LOXL4: variants seen among roughly 807,000 people sequenced by gnomAD.
The protein encoded by LOXL4 is lysyl oxidase homolog 4.
LOXL4 carries 72 observed loss-of-function variants against 89.1 expected under a neutral mutation model. The ratio of observed to expected loss-of-function variants is 0.81; its 90% confidence interval spans 0.67 to 0.98. The LOEUF is 0.98. LOXL4 is among the 50% of genes least tolerant of loss of function. The pLI is 0.00. For missense variants in LOXL4, 984 were observed against 1,017.5 expected, an observed-to-expected ratio of 0.97 and a Z score of 0.45; for synonymous variants, 355 against 392.1, an observed-to-expected ratio of 0.91 and a Z score of 1.12.
chr10:98,254,658 G>A (rs1858303097), intron 10 of LOXL4, among the ~76,000 whole-genome samples: 2 of 152,348 alleles, frequency 1.3e-5, no homozygotes, highest in South Asian at 4.1e-4. Flanking sequence ...TTGTCGTGAA[G>A]GATCAAATGT....
Position 98,259,085 on chromosome 10 carries a change from G to A in LOXL4, c.845C>T (p.Ala282Val), listed in dbSNP as rs770250417. 2.5e-6 allele frequency: 4 copies of A among 1,594,578 alleles called. No individual in the cohort carries two copies. The highest frequency in any genetic ancestry group is 3.4e-6 in the Non-Finnish European group (4 of 1,170,016). Residue 282 changes from alanine (A) to valine (V), a missense_variant, in exon 6 of 15, where the codon GCT (alanine) becomes GTT (valine). Physicochemically the swap from Ala to Val is moderately conservative, Grantham distance 64. Coordinates refer to ENST00000260702, the MANE Select transcript of LOXL4 (RefSeq NM_032211.7). ...LRPACPGGMH[A>V]VVSCVAGPHF... The stretch of plus-strand genomic sequence containing the variant: ...AGGCCCTGCCACACAGCTGACCACA[G>A]CGTGCATGCCACCTGGGCAGGCTGG...
In LOXL4 at chr10:98,253,774, G is replaced by T; in HGVS notation, c.1614C>A (p.Asn538Lys). Residue 538 changes from asparagine to lysine, a missense_variant, in exon 11 of 15, where the codon AAC (asparagine) becomes AAA (lysine). Asn to Lys is a moderately conservative substitution (Grantham distance 94, BLOSUM62 0). Transcript: ENST00000260702. ...CMDSAPDLVM[N>K]AQLVQETAYL... ...AGGCCGTCTCCTGCACTAGCTGGGC[G>T]TTCATCACCAGGTCTGGTGCACCTG... is the stretch of plus-strand genomic sequence containing the variant. The T allele has an allele frequency of 6.2e-7, 1 of 1,614,070 alleles. No individual in the cohort carries two copies. The highest frequency in any genetic ancestry group is 8.5e-7 in the Non-Finnish European group (1 of 1,180,002).
In LOXL4 at chr10:98,262,867, C is replaced by T; in HGVS notation, c.153G>A (p.Gln51=). The T allele has an allele frequency of 6.2e-7, 1 of 1,613,730 alleles. No homozygotes were observed. The highest frequency in any genetic ancestry group is 1.1e-5 in the South Asian group (1 of 91,092). Residue 51 remains glutamine, a synonymous_variant, in exon 2 of 15, where the codon CAG becomes CAA. Coordinates refer to ENST00000260702, the MANE Select transcript of LOXL4 (RefSeq NM_032211.7). ...PEEGRLEVLH[Q]GQWGTVCDDN... ...CATCACACACGGTGCCCCACTGGCC[C>T]TGGTGCAGCACCTCCAGGCGGCCCT... is the stretch of plus-strand genomic sequence containing the variant.
intron 4 of LOXL4, among the ~76,000 whole-genome samples, chr10:98,260,427 T>A (rs968879717): frequency 2.7e-5 from 4 of 149,646 alleles, no homozygotes; most frequent in African/African-American, 9.8e-5. Flanking sequence ...GTCTAGTGTT[T>A]TAACCAAGGA....
chr10:98,263,978 G>A (rs1392119069), intron 1 of LOXL4, among the ~76,000 whole-genome samples: 4 of 151,760 alleles, frequency 2.6e-5, no homozygotes, highest in African/African-American at 7.3e-5. Context: ...TGATCCATCC[G>A]CCTTGGCCTC....
At position 98,256,984 on chromosome 10, in the gene LOXL4, C is replaced by T. The variant is rs202012225; in HGVS notation, c.1261-37G>A. ...AGGGGTGTGTGAGGAGTGGGGTAGCCTTGCAGGGAAGAGCTCAGGGCTGCG... is the reference window on the plus strand; with the variant it reads ...AGGGGTGTGTGAGGAGTGGGGTAGCTTTGCAGGGAAGAGCTCAGGGCTGCG... On this transcript the variant is annotated intron_variant, in intron 8 of 14. Coordinates refer to ENST00000260702, the MANE Select transcript of LOXL4 (RefSeq NM_032211.7). 1.6e-5 allele frequency: 25 copies of T among 1,602,792 alleles called. No individual in the cohort carries two copies. The Admixed American group carries it at 3.2e-4, about 21-fold the overall frequency.
intron 7 of LOXL4, 52 bp from the exon 8 acceptor site, chr10:98,257,856 A>G (rs1316876216): frequency 1.9e-6 from 3 of 1,585,284 alleles, no homozygotes; most frequent in Non-Finnish European, 2.6e-6. Context: ...GTAACCCCAC[A>G]CTTGTGGCTT....
rs199549797 is a variant in LOXL4, at chr10:98,257,815, A to G, written c.1106-11T>C. ...GGATGGGCCCTAGCCCTAGATGGGG[A>G]GAGAGGTGCTGTGTGCGAGGCTCCA... On this transcript the variant is annotated splice_polypyrimidine_tract_variant and intron_variant, in intron 7 of 14. Transcript: ENST00000260702. 4.0e-5 allele frequency: 64 copies of G among 1,608,658 alleles called. No homozygotes were observed. Among genetic ancestry groups the G allele is most frequent in the South Asian group, 9.9e-5 (9 of 90,502 alleles).
chr10:98,257,085 T>C (rs1858398155), intron 8 of LOXL4, 138 bp from the exon 9 acceptor site: 1 of 1,044,548 alleles, frequency 9.6e-7, no homozygotes, highest in Non-Finnish European at 1.4e-6. Context: ...TTGGTCTCCT[T>C]CTCTGTAAGG....
At position 98,248,806 on chromosome 10, in the gene LOXL4, G is replaced by T. The variant is rs1188522642; in HGVS notation, c.*115C>A. 43 of 883,958 alleles carry T rather than the reference G, an allele frequency of 4.9e-5. No individual in the cohort carries two copies. The highest frequency in any genetic ancestry group is 6.7e-5 in the Non-Finnish European group (38 of 564,834). The allele number at this position is 883,958 out of a possible 1,614,324, so 54.8% of individuals were successfully genotyped here. Reference sequence around the variant, plus strand: ...CAAAAGGCTTCCTGAGCAGGTTCTTGGTGCCCCTTGGCACTGGCCCTTTTC... The same window carrying T: ...CAAAAGGCTTCCTGAGCAGGTTCTTTGTGCCCCTTGGCACTGGCCCTTTTC... On this transcript the variant is annotated 3_prime_UTR_variant, in exon 15 of 15. Transcript: ENST00000260702.
chr10:98,256,945 C>T lies in LOXL4; in HGVS notation c.1263G>A (p.Val421=). The T allele has an allele frequency of 6.2e-7, 1 of 1,613,860 alleles. No individual in the cohort carries two copies. Among genetic ancestry groups the T allele is most frequent in the South Asian group, 1.1e-5 (1 of 91,044 alleles). Residue 421 remains valine, a splice_region_variant and synonymous_variant, in exon 9 of 15, where the codon GTG becomes GTA. Transcript: ENST00000260702. The part of the protein sequence containing the change: ...NVPNMGFQNQ[V]RLAGGRIPEE... ...CAGGGATACGCCCACCAGCCAAGCGCACCTGCAATGGCGAGGGGTGTGTGA... is the reference window on the plus strand; with the variant it reads ...CAGGGATACGCCCACCAGCCAAGCGTACCTGCAATGGCGAGGGGTGTGTGA...
chr10:98,258,935 C>A, intron 6 of LOXL4, 74 bp downstream of exon 6: 1 of 1,279,594 alleles, frequency 7.8e-7, no homozygotes, highest in Non-Finnish European at 1.1e-6. Context: ...CTGGACCTCC[C>A]CGCACCCCCC....
At chr10:98,262,295 C>T (rs1435647459) in intron 2 of LOXL4, 82 bp from the exon 3 acceptor site, 6 of 1,436,324 alleles carry the variant, frequency 4.2e-6, no homozygotes, top group Admixed American at 2.0e-5. Flanking sequence ...CCCACACTTA[C>T]CAAGTCACCT....
At chr10:98,249,681 C>G (rs1858132002) in intron 14 of LOXL4, among the ~76,000 whole-genome samples, 1 of 152,248 alleles carries the variant, frequency 6.6e-6, no homozygotes, top group Non-Finnish European at 1.5e-5. Flanking sequence ...TAAACACTGG[C>G]AAGAGGACCT....
Position 98,251,591 on chromosome 10 carries a change from A to G in LOXL4, c.2063T>C (p.Val688Ala). 6.2e-7 allele frequency: 1 copy of G among 1,614,232 alleles called. No individual in the cohort carries two copies. ...IDCQWVDITD[V>A]GPGNYIFQVI... Reference sequence around the variant, plus strand: ...CTGGAAGATATAATTCCCGGGGCCCACATCTGTGATATCCACCCACTGGCA... The same window carrying G: ...CTGGAAGATATAATTCCCGGGGCCCGCATCTGTGATATCCACCCACTGGCA... The change falls in exon 13 of 15, where the codon GTG becomes GCG. Residue 688 changes from valine to alanine, a missense_variant. Physicochemically the swap from Val to Ala is moderately conservative, Grantham distance 64 (BLOSUM62 0). Transcript: ENST00000260702.
Position 98,262,030 on chromosome 10 carries a change from C to G in LOXL4, c.456+5G>C. On this transcript the variant is annotated splice_donor_5th_base_variant and intron_variant, in intron 3 of 14. Coordinates refer to ENST00000260702, the MANE Select transcript of LOXL4 (RefSeq NM_032211.7). Reference sequence around the variant, plus strand: ...CTCAGACCAGAGCCTGAACAGCCTCCTCACCTGGGGCCCAAGGGCATTGGA... The same window carrying G: ...CTCAGACCAGAGCCTGAACAGCCTCGTCACCTGGGGCCCAAGGGCATTGGA... The G allele has an allele frequency of 6.2e-7, 1 of 1,601,222 alleles. No homozygotes were observed. Among genetic ancestry groups the G allele is most frequent in the South Asian group, 1.1e-5 (1 of 89,928 alleles).
In LOXL4 at chr10:98,258,028, C is replaced by T; in HGVS notation, c.1058G>A (p.Gly353Asp). Residue 353 changes from glycine to aspartate, a missense_variant, in exon 7 of 15, where the codon GGC becomes GAC. Transcript: ENST00000260702. ...ISASVVCRQL[G>D]FGSAREALFG... ...GAGGGCCTCCCGAGCAGAGCCAAAG[C>T]CCAGCTGACGACACACGACACTGGC... The T allele has an allele frequency of 3.1e-6, 5 of 1,613,908 alleles. No individual in the cohort carries two copies. Among genetic ancestry groups the T allele is most frequent in the Non-Finnish European group, 4.2e-6 (5 of 1,180,028 alleles).
rs755162044 is a variant in LOXL4 at position 98,253,644 on chromosome 10, A to G, written c.1744T>C (p.Leu582=). ...MDWPYGYRRL[L]RFSTQIYNLG... is the part of the protein sequence containing the mutation. ...TTGTAGATCTGTGTGGAGAAGCGCAATAGGCGGCGGTATCCGTAGGGCCAG... is the reference window on the plus strand; with the variant it reads ...TTGTAGATCTGTGTGGAGAAGCGCAGTAGGCGGCGGTATCCGTAGGGCCAG... Residue 582 remains leucine (L), a synonymous_variant, in exon 11 of 15, where the codon TTG becomes CTG. Coordinates refer to ENST00000260702, the MANE Select transcript of LOXL4 (RefSeq NM_032211.7). The G allele has an allele frequency of 2.5e-6, 4 of 1,614,196 alleles. No individual in the cohort carries two copies. The highest frequency in any genetic ancestry group is 1.7e-5 in the Admixed American group (1 of 60,030).
At position 98,255,612 on chromosome 10, in the gene LOXL4, C is replaced by T; in HGVS notation, c.1556G>A (p.Gly519Asp). Residue 519 changes from glycine to aspartate, a missense_variant, in exon 10 of 15, where the codon GGC becomes GAC. Gly to Asp is a moderately conservative substitution (Grantham distance 94). Coordinates refer to ENST00000260702, the MANE Select transcript of LOXL4 (RefSeq NM_032211.7). ...GGAGACTCCAGCCAGGAAGCGCCCG[C>T]CACCGTGGGAGCAGTGCACCGGCCC... ...RHGPVHCSHG[G>D]GRFLAGVSCM... 1.2e-6 allele frequency: 2 copies of T among 1,611,628 alleles called. No individual in the cohort carries two copies. Among genetic ancestry groups the T allele is most frequent in the Non-Finnish European group, 1.7e-6 (2 of 1,178,074 alleles).
Sources: gnomAD v4.1 joint callset for allele counts (sites outside exome capture counted in the v4.1 genomes callset) on GRCh38, gnomAD v4.1.1 for gene constraint, MANE v1.5 for transcripts, NCBI Gene and HGNC (gene_info 2026-07-23, HGNC 2026-07-21) for gene names.